Variants in EXOSC1 observed in about 807,000 individuals in gnomAD.
EXOSC1 encodes exosome complex component CSL4.
In EXOSC1, 27 loss-of-function variants were observed where a neutral mutation model predicts 31.4. The ratio of observed to expected loss-of-function variants is 0.86; its 90% confidence interval spans 0.63 to 1.18. EXOSC1 has a LOEUF of 1.18. EXOSC1 is among the 50% of genes most tolerant of loss of function. EXOSC1 has a pLI of 0.00. For synonymous variants in EXOSC1, 84 were observed against 89.5 expected (o/e 0.94, Z 0.35); for missense variants, 228 against 250.3 (o/e 0.91, Z 0.60).
chr10:97,441,837 G>A (rs1845727436), intron 3 of EXOSC1, among the ~76,000 whole-genome samples: 1 of 140,132 alleles, frequency 7.1e-6, no homozygotes, highest in African/African-American at 2.7e-5. Flanking sequence ...GCCCTTCAGA[G>A]AGGTATAGAC....
rs1298134432 is a variant in EXOSC1, at chr10:97,437,749, A to G, written c.347T>C (p.Val116Ala). 6.2e-7 allele frequency: 1 copy of G among 1,612,834 alleles called. No homozygotes were observed. The highest frequency in any genetic ancestry group is 1.1e-5 in the South Asian group (1 of 91,060). ...EDVRATEKDK[V>A]EIYKSFRPGD... ...TGGGCGGAAACTCTTATAAATTTCAACCTGTAAAGAAAGAACAGGAATGTT... is the reference window on the plus strand; with the variant it reads ...TGGGCGGAAACTCTTATAAATTTCAGCCTGTAAAGAAAGAACAGGAATGTT... Residue 116 changes from valine to alanine, a missense_variant and splice_region_variant, in exon 6 of 8, where the codon GTT becomes GCT. Coordinates refer to ENST00000370902, the MANE Select transcript of EXOSC1 (RefSeq NM_016046.5).
intron 7 of EXOSC1, among the ~76,000 whole-genome samples, chr10:97,436,764 C>T (rs1164876344): frequency 6.6e-6 from 1 of 152,192 alleles, no homozygotes; most frequent in Non-Finnish European, 1.5e-5. Flanking sequence ...TGGCTCACAC[C>T]TGTAATCCCA....
intron 2 of EXOSC1, 66 bp from the exon 3 acceptor site, chr10:97,443,377 TGA>T (rs1845776138): frequency 7.2e-7 from 1 of 1,386,850 alleles, no homozygotes; most frequent in South Asian, 1.2e-5. Flanking sequence ...ATTTGTGGCT[TGA>T]GAGTAATATA....
At chr10:97,437,655 CTTCTT>C (rs759862489) in intron 6 of EXOSC1, 40 bp downstream of exon 6, 5 of 1,592,964 alleles carry the variant, frequency 3.1e-6, no homozygotes, top group African/African-American at 2.7e-5. Flanking sequence ...GCCTCCTTCT[CTTCTT>C]TTGACAAAGG....
intron 3 of EXOSC1, 84 bp from the exon 4 acceptor site, chr10:97,441,343 C>A: frequency 9.0e-7 from 1 of 1,108,872 alleles, no homozygotes; most frequent in South Asian, 1.3e-5. Flanking sequence ...ATTACTAGGG[C>A]TTCAGTGCAA....
intron 3 of EXOSC1, among the ~76,000 whole-genome samples, chr10:97,442,512 G>A (rs1173831366): frequency 6.6e-6 from 1 of 152,246 alleles, no homozygotes; most frequent in East Asian, 1.9e-4. Flanking sequence ...TGTGACTAAG[G>A]AAATCAATTT....
intron 4 of EXOSC1, 22 bp from the exon 5 acceptor site, chr10:97,438,725 A>G: frequency 1.9e-6 from 3 of 1,567,732 alleles, no homozygotes; most frequent in Non-Finnish European, 1.7e-6. Flanking sequence ...GAATTAACAG[A>G]AAGATTAATT....
chr10:97,445,799 T>C lies in EXOSC1; in HGVS notation c.80A>G (p.Tyr27Cys). 2 of 1,613,810 alleles carry C rather than the reference T, an allele frequency of 1.2e-6. No homozygotes were observed. The highest frequency in any genetic ancestry group is 1.7e-6 in the Non-Finnish European group (2 of 1,179,908). Residue 27 changes from tyrosine (Y) to cysteine (C), a missense_variant, in exon 2 of 8, where the codon TAC becomes TGC. Physicochemically the swap from Tyr to Cys is radical, Grantham distance 194. Transcript: ENST00000370902. ...CGAAAAGATGTAGCCGTGGCGGGTGTAGGTGCCGCTGCCCGGGCTGCCCTC... is the reference window on the plus strand; with the variant it reads ...CGAAAAGATGTAGCCGTGGCGGGTGCAGGTGCCGCTGCCCGGGCTGCCCTC... ...LEEGSPGSGTYTRHGYIFSSL... is the reference protein window; with the variant it reads ...LEEGSPGSGTCTRHGYIFSSL...
chr10:97,438,597 G>T, intron 5 of EXOSC1, 73 bp downstream of exon 5: 3 of 1,403,286 alleles, frequency 2.1e-6, no homozygotes, highest in Non-Finnish European at 2.0e-6. Context: ...GTGTGACCAT[G>T]CCTGGCCTGA....
intron 5 of EXOSC1, among the ~76,000 whole-genome samples, chr10:97,438,112 T>C (rs1589461967): frequency 6.6e-6 from 1 of 151,832 alleles, no homozygotes; most frequent in African/African-American, 2.4e-5. Flanking sequence ...AGAGACGGGG[T>C]TTCACCATGT....
chr10:97,443,365 G>C, intron 2 of EXOSC1, 54 bp from the exon 3 acceptor site: 1 of 1,485,146 alleles, frequency 6.7e-7, no homozygotes, highest in Non-Finnish European at 9.3e-7. Flanking sequence ...TTGGGTCAAG[G>C]CATTTGTGGC....
rs185609086 is a variant in EXOSC1, at chr10:97,437,391, A to C, written c.397-116T>G. On this transcript the variant is annotated intron_variant, in intron 6 of 7. Coordinates refer to ENST00000370902, the MANE Select transcript of EXOSC1 (RefSeq NM_016046.5). ...TCTGAGATGGAGTCTTGCTCCGTTA[A>C]CCAGGCTGGAGTGCGGTGGCGTGAT... The C allele has an allele frequency of 4.1e-4, 324 of 792,136 alleles. 1 individual carries two copies. The highest frequency in any genetic ancestry group is 2.5e-3 in the Middle Eastern group (7 of 2,764). 49.1% of individuals were successfully genotyped at this position (792,136 alleles called of 1,614,324 possible).
At chr10:97,442,363 G>A (rs1417560852) in intron 3 of EXOSC1, among the ~76,000 whole-genome samples, 1 of 152,068 alleles carries the variant, frequency 6.6e-6, no homozygotes, top group Non-Finnish European at 1.5e-5. Context: ...CCTGAACTTG[G>A]CTGCCTTGAT....
intron 3 of EXOSC1, among the ~76,000 whole-genome samples, chr10:97,441,774 G>A: frequency 6.8e-6 from 1 of 146,268 alleles, no homozygotes. Context: ...ACAGGTGTAA[G>A]CCACTGCATC....
At chr10:97,437,876 C>G (rs1319009207) in intron 5 of EXOSC1, 126 bp from the exon 6 acceptor site, 1 of 780,808 alleles carries the variant, frequency 1.3e-6, no homozygotes, top group Admixed American at 2.5e-5. Context: ...TTACTCATGT[C>G]AAGTCAAGAA....
intron 5 of EXOSC1, 41 bp from the exon 6 acceptor site, chr10:97,437,791 C>T (rs1203153495): frequency 1.9e-6 from 3 of 1,561,566 alleles, no homozygotes; most frequent in Non-Finnish European, 2.6e-6. Context: ...AAGCTCTAGA[C>T]TGGGTCTATA....
At position 97,443,260 on chromosome 10, in the gene EXOSC1, C is replaced by CA; in HGVS notation, c.198dup (p.Val67CysfsTer8). The CA allele has an allele frequency of 2.5e-6, 4 of 1,614,160 alleles. No homozygotes were observed. The highest frequency in any genetic ancestry group is 3.4e-6 in the Non-Finnish European group (4 of 1,180,010). ...ACCTTACAGGTTACAATAGCTCCCA[C>CA]ATCTGGCAGTAACTGGGACTCTGTT... On this transcript the variant is annotated frameshift_variant, in exon 3 of 8. Transcript: ENST00000370902. LOFTEE classifies it high-confidence loss of function.
Position 97,436,165 on chromosome 10 carries a change from C to A in EXOSC1, c.*280G>T. 3.1e-6 allele frequency: 1 copy of A among 322,748 alleles called. No individual in the cohort carries two copies. Among genetic ancestry groups the A allele is most frequent in the Non-Finnish European group, 5.8e-6 (1 of 173,880 alleles). The allele number at this position is 322,748 out of a possible 1,614,324, so 20.0% of individuals were successfully genotyped here. A position where few individuals can be genotyped will look rare whatever the true frequency, so the allele number is the denominator to read the frequency against. ...CATCCTTTTAGTAAAAAAGTTTTAT[C>A]ATAGCAAAAAATATGTATTTATAAG... On this transcript the variant is annotated 3_prime_UTR_variant, in exon 8 of 8. Transcript: ENST00000370902.
Position 97,445,999 on chromosome 10 carries a change from C to A in EXOSC1, c.-14G>T, listed in dbSNP as rs368174092. On this transcript the variant is annotated 5_prime_UTR_variant, in exon 1 of 8. Coordinates refer to ENST00000370902, the MANE Select transcript of EXOSC1 (RefSeq NM_016046.5). ...AGGTGGCGCCATGATTGCCGCTGTCCCAAAACCAGGATGAAAACGAAGTCG... is the reference window on the plus strand; with the variant it reads ...AGGTGGCGCCATGATTGCCGCTGTCACAAAACCAGGATGAAAACGAAGTCG... 6.2e-7 allele frequency: 1 copy of A among 1,614,226 alleles called. No homozygotes were observed.
Sources: gnomAD v4.1 joint callset for allele counts (sites outside exome capture counted in the v4.1 genomes callset) on GRCh38, gnomAD v4.1.1 for gene constraint, MANE v1.5 for transcripts, NCBI Gene and HGNC (gene_info 2026-07-23, HGNC 2026-07-21) for gene names.